Variants in VOPP1 observed in about 807,000 individuals in gnomAD.
VOPP1 encodes the protein VOPP1 WW domain binding protein.
VOPP1 carries 8 observed loss-of-function variants against 23.5 expected under a neutral mutation model. The observed-to-expected ratio is 0.34, with a 90% confidence interval of 0.20 to 0.61. The LOEUF (loss-of-function observed/expected upper bound fraction) is 0.61. Among genes scored for constraint, VOPP1 ranks in the 20% least tolerant of loss-of-function variants. The pLI is 0.78. For synonymous variants in VOPP1, 83 were observed against 97.3 expected (o/e 0.85, Z 0.86); for missense variants, 174 against 238.1 (o/e 0.73, Z 1.77).
intron 4 of VOPP1, among the ~76,000 whole-genome samples, chr7:55,458,034 G>C (rs768089969): frequency 1.3e-5 from 2 of 151,936 alleles, no homozygotes; most frequent in Non-Finnish European, 2.9e-5. Context: ...TTCCCCTGTG[G>C]TTTCTTCCAG....
At chr7:55,546,369 T>C (rs1797367773) in intron 1 of VOPP1, among the ~76,000 whole-genome samples, 1 of 152,254 alleles carries the variant, frequency 6.6e-6, no homozygotes, top group South Asian at 2.1e-4. Context: ...ATATGCTCTA[T>C]GGACCGTGAG....
At chr7:55,506,003 C>T (rs1202051537) in intron 2 of VOPP1, among the ~76,000 whole-genome samples, 1 of 152,206 alleles carries the variant, frequency 6.6e-6, no homozygotes, top group African/African-American at 2.4e-5. Flanking sequence ...GGACCTTAGA[C>T]AGGCAAACCC....
At chr7:55,517,899 G>A (rs551757093) in intron 2 of VOPP1, among the ~76,000 whole-genome samples, 186 of 152,230 alleles carry the variant, frequency 1.2e-3, no homozygotes, top group Non-Finnish European at 2.0e-3. Context: ...TATCTGGACC[G>A]GTGAGGGTAT....
At chr7:55,540,194 T>C (rs1427877320) in intron 1 of VOPP1, among the ~76,000 whole-genome samples, 2 of 151,706 alleles carry the variant, frequency 1.3e-5, no homozygotes, top group Admixed American at 1.3e-4. Flanking sequence ...GGTCAAGAGA[T>C]CGAGACCATC....
rs540137256 is a variant in VOPP1 at position 55,521,986 on chromosome 7, T to C, written c.55-856A>G. On this transcript the variant is annotated intron_variant, in intron 1 of 4. Transcript: ENST00000285279. ...CCATGATCTAGTTTATTGGCCCCCA[T>C]GTGTAAATAAAACCTTCAAAACATT... 100 of 811,018 alleles carry C rather than the reference T, an allele frequency of 1.2e-4. No homozygotes were observed. The African/African-American group carries it at 1.7e-3, about 14-fold the overall frequency. The allele number at this position is 811,018 out of a possible 1,614,324, so 50.2% of individuals were successfully genotyped here. A position where few individuals can be genotyped will look rare whatever the true frequency, so the allele number is the denominator to read the frequency against.
At chr7:55,477,565 G>C (rs540746033) in intron 4 of VOPP1, among the ~76,000 whole-genome samples, 3 of 152,328 alleles carry the variant, frequency 2.0e-5, no homozygotes, top group Non-Finnish European at 2.9e-5. Context: ...TGTGGTCTTT[G>C]TAGAAGAGAG....
chr7:55,457,449 A>T (rs773439657), intron 4 of VOPP1, among the ~76,000 whole-genome samples: 10 of 152,200 alleles, frequency 6.6e-5, no homozygotes, highest in Non-Finnish European at 1.5e-4. Context: ...TCCCTGTGAT[A>T]CACCGATTTC....
chr7:55,570,593 G>A (rs1324839244), intron 1 of VOPP1, among the ~76,000 whole-genome samples: 1 of 152,068 alleles, frequency 6.6e-6, no homozygotes, highest in African/African-American at 2.4e-5. Flanking sequence ...GGGAGACATG[G>A]GTGGCACAAA....
chr7:55,510,570 C>CTT (rs34545604), intron 2 of VOPP1, among the ~76,000 whole-genome samples: 1,333 of 119,758 alleles, frequency 0.011, 28 homozygotes, highest in African/African-American at 0.037. Context: ...AGGGCACTGG[C>CTT]TTTTTTTTTT....
At chr7:55,554,301 G>A (rs890972600) in intron 1 of VOPP1, among the ~76,000 whole-genome samples, 5 of 152,328 alleles carry the variant, frequency 3.3e-5, no homozygotes, top group Admixed American at 6.5e-5. Context: ...GGTCTATCTC[G>A]TTCCATCCAG....
At chr7:55,465,399 G>A (rs749354732) in intron 4 of VOPP1, among the ~76,000 whole-genome samples, 1 of 152,214 alleles carries the variant, frequency 6.6e-6, no homozygotes, top group Non-Finnish European at 1.5e-5. Flanking sequence ...GTGATGTGTG[G>A]AGTGGTGATG....
intron 1 of VOPP1, among the ~76,000 whole-genome samples, chr7:55,551,782 G>A (rs1052300719): frequency 2.0e-5 from 3 of 152,128 alleles, no homozygotes; most frequent in African/African-American, 7.2e-5. Flanking sequence ...GCTCACGCCT[G>A]TAATCCCAGC....
At chr7:55,487,902 C>T (rs1793263198) in intron 4 of VOPP1, among the ~76,000 whole-genome samples, 1 of 152,248 alleles carries the variant, frequency 6.6e-6, no homozygotes, top group Non-Finnish European at 1.5e-5. Context: ...GCCTACAGTG[C>T]TGCCTCAGCC....
intron 3 of VOPP1, among the ~76,000 whole-genome samples, chr7:55,496,197 T>C (rs1454372594): frequency 6.6e-6 from 1 of 152,250 alleles, no homozygotes; most frequent in Non-Finnish European, 1.5e-5. Flanking sequence ...CTCATCATCA[T>C]TCATCTAGTG....
chr7:55,527,491 G>A (rs756253707), intron 1 of VOPP1, among the ~76,000 whole-genome samples: 54 of 152,108 alleles, frequency 3.6e-4, no homozygotes, highest in Non-Finnish European at 6.9e-4. Flanking sequence ...AACCTTAAAC[G>A]AAGCCCAACC....
chr7:55,538,765 T>A (rs1360453559), intron 1 of VOPP1: 2 of 1,005,688 alleles, frequency 2.0e-6, no homozygotes, highest in Non-Finnish European at 2.9e-6. Context: ...CTAAGGGGAA[T>A]GCTGTGGGTT....
intron 4 of VOPP1, among the ~76,000 whole-genome samples, chr7:55,438,286 T>G (rs1790881060): frequency 6.6e-6 from 1 of 152,156 alleles, no homozygotes; most frequent in East Asian, 1.9e-4. Context: ...AAGTGCTTAC[T>G]CAGCACCAGA....
chr7:55,572,008 G>A (rs898636466), intron 1 of VOPP1: 2 of 403,470 alleles, frequency 5.0e-6, no homozygotes, highest in Non-Finnish European at 8.9e-6. Context: ...GGCGGTCGGC[G>A]CGGGAAACGC....
chr7:55,493,896 G>A lies in VOPP1; in HGVS notation c.192-1478C>T, dbSNP rs1247183874. ...TTAAGTGTATAATTCAGTGCACCAA[G>A]AGGTTTGAACAAGGGTATCTGTGGT... On this transcript the variant is annotated intron_variant, in intron 3 of 4. Transcript: ENST00000285279. Among the ~76,000 whole-genome samples, 3 of 152,310 alleles carry A rather than the reference G, an allele frequency of 2.0e-5. No individual in the cohort carries two copies. In the East Asian group the frequency reaches 5.8e-4, roughly 29 times the overall value.
Sources: gnomAD v4.1 joint callset for allele counts (sites outside exome capture counted in the v4.1 genomes callset) on GRCh38, gnomAD v4.1.1 for gene constraint, MANE v1.5 for transcripts, NCBI Gene and HGNC (gene_info 2026-07-23, HGNC 2026-07-21) for gene names.